Variants in OR7A10 observed in about 807,000 individuals in gnomAD.
The protein encoded by OR7A10 is olfactory receptor 7A10.
For synonymous variants in OR7A10, 144 were observed against 144.5 expected, an observed-to-expected ratio of 1.00 and a Z score of 0.02; for missense variants, 358 against 370.1, an observed-to-expected ratio of 0.97 and a Z score of 0.27.
At chr19:14,843,785 T>C (rs1042935616) in intron 1 of OR7A10, among the ~76,000 whole-genome samples, 1 of 152,154 alleles carries the variant, frequency 6.6e-6, no homozygotes, top group Non-Finnish European at 1.5e-5. Context: ...AAAACAGAAG[T>C]CCTTGTGTTA....
intron 1 of OR7A10, among the ~76,000 whole-genome samples, chr19:14,845,883 C>T (rs140363689): frequency 5.9e-5 from 9 of 152,220 alleles, no homozygotes; most frequent in African/African-American, 1.7e-4. Flanking sequence ...CAAGTGAGAA[C>T]GACAATTTTA....
Position 14,841,894 on chromosome 19 carries a change from C to A in OR7A10, c.-12-5G>T. 2.3e-6 allele frequency: 3 copies of A among 1,294,362 alleles called. No individual in the cohort carries two copies. The highest frequency in any genetic ancestry group is 2.2e-6 in the Non-Finnish European group (2 of 925,522). The allele number at this position is 1,294,362 out of a possible 1,614,324, so 80.2% of individuals were successfully genotyped here. A position where few individuals can be genotyped will look rare whatever the true frequency, so the allele number is the denominator to read the frequency against. ...TGATTTCATCTTGTGATGTGACTACCAGAGAGAGAGAGAGAGAGAGAGAGA... is the reference window on the plus strand; with the variant it reads ...TGATTTCATCTTGTGATGTGACTACAAGAGAGAGAGAGAGAGAGAGAGAGA... On this transcript the variant is annotated splice_polypyrimidine_tract_variant and splice_region_variant and intron_variant, in intron 1 of 1. Transcript: ENST00000641129.
intron 1 of OR7A10, among the ~76,000 whole-genome samples, chr19:14,847,580 G>C (rs1200388660): frequency 1.3e-5 from 2 of 151,866 alleles, no homozygotes; most frequent in Non-Finnish European, 2.9e-5. Flanking sequence ...GCGCGATCTC[G>C]GCTCAATGCA....
rs1053067877 is a variant in OR7A10, at chr19:14,845,098, C to CACAA, written c.-12-3210_-12-3209insTTGT. On this transcript the variant is annotated intron_variant, in intron 1 of 1. Transcript: ENST00000641129. Reference sequence around the variant, plus strand: ...ACACACACACACACACACACACACACAATGCATACACATGTGCATCACATC... The same window carrying CACAA: ...ACACACACACACACACACACACACACACAAAATGCATACACATGTGCATCACATC... Among the ~76,000 whole-genome samples, 964 of 151,070 alleles carry CACAA rather than the reference C, an allele frequency of 6.4e-3. 7 individuals are homozygous for CACAA. Among genetic ancestry groups the CACAA allele is most frequent in the African/African-American group, 0.022 (914 of 40,900 alleles).
At chr19:14,845,181 A>G (rs190803945) in intron 1 of OR7A10, among the ~76,000 whole-genome samples, 60 of 151,998 alleles carry the variant, frequency 3.9e-4, no homozygotes, top group African/African-American at 1.4e-3. Flanking sequence ...CTCACTATTA[A>G]GAAGGAATGG....
At chr19:14,844,583 C>T (rs886584607) in intron 1 of OR7A10, among the ~76,000 whole-genome samples, 1 of 151,514 alleles carries the variant, frequency 6.6e-6, no homozygotes, top group Admixed American at 6.6e-5. Flanking sequence ...TGCATTTGCA[C>T]TTTGGTAATT....
intron 1 of OR7A10, among the ~76,000 whole-genome samples, chr19:14,842,380 A>G (rs747930923): frequency 2.0e-5 from 3 of 152,202 alleles, no homozygotes; most frequent in Admixed American, 6.5e-5. Flanking sequence ...CTTCCCGAGT[A>G]GCTGGGATTA....
chr19:14,847,017 G>A (rs924957053), intron 1 of OR7A10, among the ~76,000 whole-genome samples: 32 of 152,280 alleles, frequency 2.1e-4, no homozygotes, highest in African/African-American at 7.5e-4. Context: ...TTTTAAACTT[G>A]CACACTGTCC....
chr19:14,846,109 G>A (rs879469161), intron 1 of OR7A10, among the ~76,000 whole-genome samples: 10 of 152,134 alleles, frequency 6.6e-5, no homozygotes, highest in South Asian at 2.1e-4. Flanking sequence ...AGCCGAGATC[G>A]CACCATTGCA....
Position 14,841,627 on chromosome 19 carries a change from T to A in OR7A10, c.251A>T (p.Asn84Ile), listed in dbSNP as rs1303457954. The A allele has an allele frequency of 1.9e-6, 3 of 1,614,204 alleles. No homozygotes were observed. Among genetic ancestry groups the A allele is most frequent in the Admixed American group, 3.3e-5 (2 of 60,016 alleles). The change falls in exon 2 of 2, where the codon AAC becomes ATC. Residue 84 changes from asparagine to isoleucine, a missense_variant. Coordinates refer to ENST00000641129, the MANE Select transcript of OR7A10 (RefSeq NM_001005190.2). ...VSTTVPKMLVNIQTHNKVITY... is the reference protein window; with the variant it reads ...VSTTVPKMLVIIQTHNKVITY... ...GATGACTTTGTTGTGTGTCTGGATG[T>A]TCACCAGCATCTTCGGGACAGTGGT...
At position 14,840,762 on chromosome 19, in the gene OR7A10, G is replaced by T; in HGVS notation, c.*186C>A. On this transcript the variant is annotated 3_prime_UTR_variant, in exon 2 of 2. Coordinates refer to ENST00000641129, the MANE Select transcript of OR7A10 (RefSeq NM_001005190.2). ...AAAATTATATTCCGTCATATTTAAG[G>T]TCATCTCTGACTCTAAGAAGAACAG... 1 of 483,938 alleles carries T rather than the reference G, an allele frequency of 2.1e-6. No individual in the cohort carries two copies. The highest frequency in any genetic ancestry group is 3.6e-6 in the Non-Finnish European group (1 of 275,118). 30.0% of individuals were successfully genotyped at this position (483,938 alleles called of 1,614,324 possible).
intron 1 of OR7A10, among the ~76,000 whole-genome samples, chr19:14,846,241 A>G (rs976877116): frequency 1.3e-5 from 2 of 152,212 alleles, no homozygotes; most frequent in Admixed American, 1.3e-4. Flanking sequence ...GCACTAAAAT[A>G]TAGCATATTT....
intron 1 of OR7A10, among the ~76,000 whole-genome samples, chr19:14,844,020 T>C (rs2044928309): frequency 6.6e-6 from 1 of 152,172 alleles, no homozygotes; most frequent in South Asian, 2.1e-4. Flanking sequence ...ATGGCACATA[T>C]GTACCTATGT....
rs989273650 is a variant in OR7A10, at chr19:14,841,750, A to G, written c.128T>C (p.Leu43Pro). The change falls in exon 2 of 2, where the codon CTG becomes CCG. Residue 43 changes from leucine (L) to proline (P), a missense_variant. By Grantham distance (98) the Leu-to-Pro change is moderately conservative (BLOSUM62 -3). Coordinates refer to ENST00000641129, the MANE Select transcript of OR7A10 (RefSeq NM_001005190.2). ...SMYLVTVLGN[L>P]LIILATISDS... ...TGAGATTGTGGCCAGGATGATGAGCAGGTTCCCGAGCACAGTGACCAGGTA... is the reference window on the plus strand; with the variant it reads ...TGAGATTGTGGCCAGGATGATGAGCGGGTTCCCGAGCACAGTGACCAGGTA... The G allele has an allele frequency of 1.1e-5, 17 of 1,614,058 alleles. No homozygotes were observed. The highest frequency in any genetic ancestry group is 1.4e-5 in the Non-Finnish European group (16 of 1,180,048).
In OR7A10 at chr19:14,841,746, G is replaced by C; in HGVS notation, c.132C>G (p.Leu44=). 6.2e-7 allele frequency: 1 copy of C among 1,614,096 alleles called. No individual in the cohort carries two copies. The change falls in exon 2 of 2, where the codon CTC becomes CTG. Residue 44 remains leucine, a synonymous_variant. Transcript: ENST00000641129. Reference sequence around the variant, plus strand: ...AGTCTGAGATTGTGGCCAGGATGATGAGCAGGTTCCCGAGCACAGTGACCA... The same window carrying C: ...AGTCTGAGATTGTGGCCAGGATGATCAGCAGGTTCCCGAGCACAGTGACCA... The part of the protein sequence containing the change: ...MYLVTVLGNL[L]IILATISDSH...
intron 1 of OR7A10, among the ~76,000 whole-genome samples, chr19:14,845,792 T>C (rs1417586303): frequency 6.6e-6 from 1 of 152,232 alleles, no homozygotes; most frequent in Non-Finnish European, 1.5e-5. Flanking sequence ...TCTGTCCCTG[T>C]TGTCTGCTGA....
intron 1 of OR7A10, among the ~76,000 whole-genome samples, chr19:14,845,932 G>T (rs1395927495): frequency 1.3e-5 from 2 of 152,098 alleles, no homozygotes; most frequent in Admixed American, 1.3e-4. Context: ...GAAGCGAGCG[G>T]ATCAGGAGGT....
At chr19:14,846,279 G>C (rs1391172662) in intron 1 of OR7A10, among the ~76,000 whole-genome samples, 1 of 152,152 alleles carries the variant, frequency 6.6e-6, no homozygotes, top group East Asian at 1.9e-4. Flanking sequence ...TTGTCTACGT[G>C]TTTGTATAAG....
intron 1 of OR7A10, among the ~76,000 whole-genome samples, chr19:14,845,783 C>A (rs1396792435): frequency 6.6e-6 from 1 of 152,218 alleles, no homozygotes; most frequent in Non-Finnish European, 1.5e-5. Context: ...GTGGTGGGGT[C>A]TGTCCCTGTT....
Sources: allele counts gnomAD v4.1 joint callset (sites outside exome capture counted in the v4.1 genomes callset), GRCh38; gene constraint gnomAD v4.1.1; transcripts MANE v1.5; gene names NCBI Gene and HGNC (gene_info 2026-07-23, HGNC 2026-07-21).